CDK19: variants seen among roughly 807,000 people sequenced by gnomAD.
CDK19 encodes cyclin dependent kinase 19.
CDK19 carries 20 observed loss-of-function variants against 68.3 expected under a neutral mutation model. The ratio of observed to expected loss-of-function variants is 0.29; its 90% CI spans 0.21 to 0.43. CDK19 has a LOEUF of 0.43. Among genes scored for constraint, CDK19 ranks in the 20% least tolerant of loss-of-function variants. The pLI, the probability that CDK19 is intolerant of heterozygous loss-of-function variation, is 1.00. For synonymous variants in CDK19, 221 were observed against 222.8 expected (o/e 0.99, Z 0.07); for missense variants, 339 against 623.5 (o/e 0.54, Z 4.86).
At chr6:110,747,218 A>G (rs1778139190) in intron 1 of CDK19, among the ~76,000 whole-genome samples, 1 of 152,214 alleles carries the variant, frequency 6.6e-6, no homozygotes. Context: ...ACCTGCAGAT[A>G]GAGCAGTTTA....
At chr6:110,808,467 T>G (rs1351955314) in intron 1 of CDK19, among the ~76,000 whole-genome samples, 1 of 152,234 alleles carries the variant, frequency 6.6e-6, no homozygotes, top group Non-Finnish European at 1.5e-5. Context: ...TGTCGATGCT[T>G]TGGCACTACA....
chr6:110,720,913 G>A (rs1007708023), intron 2 of CDK19, among the ~76,000 whole-genome samples: 2 of 150,688 alleles, frequency 1.3e-5, no homozygotes, highest in African/African-American at 2.4e-5. Context: ...TGCTATACAC[G>A]TCAAATGTCA....
intron 1 of CDK19, among the ~76,000 whole-genome samples, chr6:110,752,574 A>G (rs1562259983): frequency 6.6e-6 from 1 of 152,234 alleles, no homozygotes; most frequent in Non-Finnish European, 1.5e-5. Flanking sequence ...TTATGCTTTC[A>G]TCCACCAAAT....
intron 2 of CDK19, among the ~76,000 whole-genome samples, chr6:110,678,983 G>A (rs1001778080): frequency 6.6e-6 from 1 of 152,086 alleles, no homozygotes; most frequent in East Asian, 1.9e-4. Flanking sequence ...TCCTTTGAAT[G>A]GGCTATAATA....
At chr6:110,619,253 T>C (rs749040536) in intron 12 of CDK19, among the ~76,000 whole-genome samples, 1 of 152,184 alleles carries the variant, frequency 6.6e-6, no homozygotes, top group Non-Finnish European at 1.5e-5. Flanking sequence ...CAAAGAATGT[T>C]TGAATTTGGG....
chr6:110,622,356 T>A (rs1167952965), intron 10 of CDK19, among the ~76,000 whole-genome samples, 190 bp from the exon 11 acceptor site: 1 of 152,234 alleles, frequency 6.6e-6, no homozygotes, highest in African/African-American at 2.4e-5. Flanking sequence ...ACTAACTTCA[T>A]TAGCGCCAAA....
Position 110,622,864 on chromosome 6 carries a change from G to C in CDK19, c.982C>G (p.Gln328Glu). 6.2e-7 allele frequency: 1 copy of C among 1,613,774 alleles called. No individual in the cohort carries two copies. Among genetic ancestry groups the C allele is most frequent in the Non-Finnish European group, 8.5e-7 (1 of 1,179,632 alleles). ...MDPTKRITSE[Q>E]ALQDPYFQED... Reference sequence around the variant, plus strand: ...TGAAAATAGGGATCCTGCAGAGCTTGCTCCGAGGTAATTCTCTTGGTTGGA... The same window carrying C: ...TGAAAATAGGGATCCTGCAGAGCTTCCTCCGAGGTAATTCTCTTGGTTGGA... The change falls in exon 10 of 13, where the codon CAA becomes GAA. Residue 328 changes from glutamine to glutamate, a missense_variant. Coordinates refer to ENST00000368911, the MANE Select transcript of CDK19 (RefSeq NM_015076.5).
chr6:110,691,934 C>G (rs1250975591), intron 2 of CDK19, among the ~76,000 whole-genome samples: 1 of 151,220 alleles, frequency 6.6e-6, no homozygotes, highest in Non-Finnish European at 1.5e-5. Flanking sequence ...GCGTGAGCCA[C>G]TGTGCCCGGC....
chr6:110,780,823 T>A (rs1316020542), intron 1 of CDK19, among the ~76,000 whole-genome samples: 2 of 152,082 alleles, frequency 1.3e-5, no homozygotes, highest in Non-Finnish European at 2.9e-5. Flanking sequence ...AGATTTCCCA[T>A]CTTCCAGAGA....
chr6:110,674,423 A>C (rs1217047900), intron 2 of CDK19, among the ~76,000 whole-genome samples: 1 of 152,244 alleles, frequency 6.6e-6, no homozygotes, highest in Admixed American at 6.5e-5. Flanking sequence ...AAGTTCAAAC[A>C]GGCTGAAAGC....
At chr6:110,731,814 C>T (rs1236843233) in intron 2 of CDK19, among the ~76,000 whole-genome samples, 2 of 152,050 alleles carry the variant, frequency 1.3e-5, no homozygotes, top group East Asian at 3.9e-4. Flanking sequence ...ATCCAATGTT[C>T]AATAGTTGTA....
In CDK19 at chr6:110,652,800, G is replaced by C. The variant is rs567951770; in HGVS notation, c.457-14094C>G. Among the ~76,000 whole-genome samples the C allele has an allele frequency of 2.6e-5, 4 of 152,340 alleles. No homozygotes were observed. In the South Asian group the frequency reaches 6.2e-4, roughly 24 times the overall value. On this transcript the variant is annotated intron_variant, in intron 4 of 12. Transcript: ENST00000368911. ...TATCTCTTTTCTAGTACTGAAGTTA[G>C]TAGAGAATACCTTTGATTTAACATA...
chr6:110,759,425 A>AT (rs1371862916), intron 1 of CDK19, among the ~76,000 whole-genome samples: 336 of 109,880 alleles, frequency 3.1e-3, no homozygotes, highest in African/African-American at 5.7e-3. Context: ...AAAAAAAAAA[A>AT]AAAATATATA....
intron 1 of CDK19, among the ~76,000 whole-genome samples, chr6:110,778,978 A>G (rs1389129382): frequency 6.6e-6 from 1 of 152,172 alleles, no homozygotes; most frequent in African/African-American, 2.4e-5. Flanking sequence ...TACAGTCATC[A>G]TGCCAAAACT....
At chr6:110,654,660 G>A (rs60363324) in intron 4 of CDK19, among the ~76,000 whole-genome samples, 4 of 152,248 alleles carry the variant, frequency 2.6e-5, no homozygotes, top group Non-Finnish European at 4.4e-5. Flanking sequence ...AAAGAAGATG[G>A]CTGCGTGCAG....
chr6:110,812,141 G>C (rs930447191), intron 1 of CDK19, among the ~76,000 whole-genome samples: 2 of 149,218 alleles, frequency 1.3e-5, no homozygotes. Context: ...TTTTTTTTGA[G>C]ACAGAGTCTC....
intron 2 of CDK19, among the ~76,000 whole-genome samples, chr6:110,696,134 G>A (rs983578259): frequency 3.7e-4 from 57 of 152,050 alleles, no homozygotes; most frequent in African/African-American, 1.1e-3. Context: ...ACAGCATATC[G>A]AAAAGATAAT....
At chr6:110,640,284 T>C (rs1024685680) in intron 4 of CDK19, among the ~76,000 whole-genome samples, 2 of 148,926 alleles carry the variant, frequency 1.3e-5, no homozygotes, top group African/African-American at 5.0e-5. Context: ...TTGAGGGTAG[T>C]AGGATGAACC....
At position 110,619,104 on chromosome 6, in the gene CDK19, C is replaced by G. The variant is rs560568904; in HGVS notation, c.1377+2000G>C. On this transcript the variant is annotated intron_variant, in intron 12 of 12. Transcript: ENST00000368911. ...ACACCTGACTGCCCCTCATGCCAGTCTCTCCAACTAAATAGCTGTATCTAT... is the reference window on the plus strand; with the variant it reads ...ACACCTGACTGCCCCTCATGCCAGTGTCTCCAACTAAATAGCTGTATCTAT... Among the ~76,000 whole-genome samples the G allele has an allele frequency of 2.6e-4, 39 of 152,278 alleles. No individual in the cohort carries two copies. In the South Asian group the frequency reaches 8.1e-3, roughly 32 times the overall value.
Sources: allele counts gnomAD v4.1 joint callset (sites outside exome capture counted in the v4.1 genomes callset), GRCh38; gene constraint gnomAD v4.1.1; transcripts MANE v1.5; gene names NCBI Gene and HGNC (gene_info 2026-07-23, HGNC 2026-07-21).